FANCM: variants seen among roughly 807,000 people sequenced by gnomAD.
FANCM encodes Fanconi anemia group M protein.
FANCM carries 140 observed loss-of-function variants against 199.5 expected under a neutral mutation model. The ratio of observed to expected loss-of-function variants is 0.70; its 90% CI spans 0.61 to 0.81. FANCM has a LOEUF of 0.81. Among genes scored for constraint, FANCM ranks in the 30% least tolerant of loss-of-function variants. The pLI, the probability that FANCM is intolerant of heterozygous loss-of-function variation, is 0.00. For missense variants in FANCM, 2,410 were observed against 2,421.4 expected (o/e 1.00, Z 0.10); for synonymous variants, 840 against 836.8 (o/e 1.00, Z -0.07).
At chr14:45,165,713 T>C (rs983300995) in intron 10 of FANCM, among the ~76,000 whole-genome samples, 2 of 152,180 alleles carry the variant, frequency 1.3e-5, no homozygotes, top group African/African-American at 4.8e-5. Flanking sequence ...TAAAAGGCCG[T>C]GTAATATCAG....
intron 3 of FANCM, among the ~76,000 whole-genome samples, chr14:45,143,390 C>T (rs1412528523): frequency 6.6e-6 from 1 of 151,968 alleles, no homozygotes; most frequent in Non-Finnish European, 1.5e-5. Context: ...TGGTCTAGAA[C>T]TACTGGTCTC....
chr14:45,166,654 T>G (rs575465401), intron 10 of FANCM, among the ~76,000 whole-genome samples: 1 of 151,850 alleles, frequency 6.6e-6, no homozygotes, highest in South Asian at 2.1e-4. Context: ...CTCACACCTG[T>G]AGTCCCAGCT....
chr14:45,188,900 T>C lies in FANCM; in HGVS notation c.4878T>C (p.Asp1626=), dbSNP rs150389713. 61 of 1,613,902 alleles carry C rather than the reference T, an allele frequency of 3.8e-5. No individual in the cohort carries two copies. In the African/African-American group the frequency reaches 6.8e-4, roughly 18 times the overall value. The change falls in exon 20 of 23, where the codon GAT becomes GAC. Residue 1626 remains aspartate (D), a synonymous_variant. Coordinates refer to ENST00000267430, the MANE Select transcript of FANCM (RefSeq NM_020937.4). The stretch of plus-strand genomic sequence containing the variant: ...CAAGTGAAGAAGAAGTTTGTGTTGA[T>C]TTTAACTTAATAACTGATGATTGCT... The part of the protein sequence containing the change: ...GQSSEEEVCV[D]FNLITDDCFA...
chr14:45,167,884 C>A (rs1888092807), intron 11 of FANCM, among the ~76,000 whole-genome samples: 1 of 152,120 alleles, frequency 6.6e-6, no homozygotes, highest in Non-Finnish European at 1.5e-5. Flanking sequence ...GTTTTAAATG[C>A]ATAGCCAGTC....
In FANCM at chr14:45,170,661, A is replaced by T; in HGVS notation, c.2075A>T (p.Tyr692Phe). 6.2e-7 allele frequency: 1 copy of T among 1,604,084 alleles called. No homozygotes were observed. The highest frequency in any genetic ancestry group is 1.1e-5 in the South Asian group (1 of 90,852). The change falls in exon 12 of 23, where the codon TAT becomes TTT. Residue 692 changes from tyrosine to phenylalanine, a missense_variant. By Grantham distance (22) the Tyr-to-Phe change is conservative. Transcript: ENST00000267430. ...GAATTTAAATTATGGAACAGACTTTATAGATTAAGGGACAGTGATGAAATT... is the reference window on the plus strand; with the variant it reads ...GAATTTAAATTATGGAACAGACTTTTTAGATTAAGGGACAGTGATGAAATT... ...EEEFKLWNRL[Y>F]RLRDSDEIKE... is the part of the protein sequence containing the mutation.
intron 18 of FANCM, 49 bp downstream of exon 18, chr14:45,185,422 T>G (rs752912586): frequency 8.6e-5 from 94 of 1,092,720 alleles, no homozygotes; most frequent in Non-Finnish European, 1.2e-4. Flanking sequence ...TTTTATGTGC[T>G]TATATTTAAA....
In FANCM at chr14:45,181,487, T is replaced by G. The variant is rs780690273; in HGVS notation, c.4280T>G (p.Val1427Gly). 1.9e-6 allele frequency: 3 copies of G among 1,608,564 alleles called. No homozygotes were observed. Among genetic ancestry groups the G allele is most frequent in the Non-Finnish European group, 2.6e-6 (3 of 1,175,246 alleles). Residue 1427 changes from valine to glycine, a missense_variant, in exon 15 of 23, where the codon GTT (valine) becomes GGT (glycine). Val to Gly is a moderately radical substitution (Grantham distance 109). Transcript: ENST00000267430. ...SEDDEIFRRK[V>G]KRAKGNVLNS... ...GATGACGAGATTTTCCGAAGAAAAG[T>G]TAAAAGAGCAAAAGGAAATGTTTTA...
At chr14:45,160,013 T>G (rs1198866100) in intron 9 of FANCM, among the ~76,000 whole-genome samples, 2 of 150,336 alleles carry the variant, frequency 1.3e-5, no homozygotes, top group Non-Finnish European at 3.0e-5. Flanking sequence ...TTTTTTTTTT[T>G]TTTTTTAGAT....
chr14:45,142,555 C>G (rs1886053870), intron 3 of FANCM, among the ~76,000 whole-genome samples: 1 of 151,972 alleles, frequency 6.6e-6, no homozygotes, highest in Non-Finnish European at 1.5e-5. Flanking sequence ...ATCCACCCGC[C>G]CCGGCCTCCC....
intron 9 of FANCM, among the ~76,000 whole-genome samples, chr14:45,162,346 C>A (rs1887665497): frequency 6.6e-6 from 1 of 152,142 alleles, no homozygotes; most frequent in South Asian, 2.1e-4. Context: ...CTTTGACATG[C>A]CTCTCAGATT....
intron 2 of FANCM, chr14:45,137,651 C>G (rs953104167): frequency 4.5e-6 from 1 of 224,550 alleles, no homozygotes; most frequent in Middle Eastern, 1.8e-3. Flanking sequence ...TGCCACATAC[C>G]TAACACAGTG....
At chr14:45,136,599 A>G in intron 1 of FANCM, 60 bp downstream of exon 1, 1 of 1,521,340 alleles carries the variant, frequency 6.6e-7, no homozygotes. Flanking sequence ...CATGTGGAAT[A>G]GTTCCCAAGC....
intron 3 of FANCM, among the ~76,000 whole-genome samples, chr14:45,144,108 A>G (rs1185230099): frequency 6.6e-6 from 1 of 152,084 alleles, no homozygotes; most frequent in Admixed American, 6.5e-5. Context: ...ATTTTGATAC[A>G]GGCATGCAGT....
At position 45,175,819 on chromosome 14, in the gene FANCM, T is replaced by C. The variant is rs1263906591; in HGVS notation, c.3065T>C (p.Phe1022Ser). 6 of 1,613,960 alleles carry C rather than the reference T, an allele frequency of 3.7e-6. No homozygotes were observed. Among genetic ancestry groups the C allele is most frequent in the South Asian group, 2.2e-5 (2 of 91,080 alleles). Residue 1022 changes from phenylalanine (F) to serine (S), a missense_variant, in exon 14 of 23, where the codon TTC becomes TCC. By Grantham distance (155) the Phe-to-Ser change is radical. Transcript: ENST00000267430. ...AKGTALENLLFLPCAEHLRSD... is the reference protein window; with the variant it reads ...AKGTALENLLSLPCAEHLRSD... ...GGTACTGCACTTGAGAATTTGCTTT[T>C]CTTACCCTGTGCAGAGCATTTACGA...
In FANCM at chr14:45,176,819, G is replaced by T; in HGVS notation, c.4065G>T (p.Lys1355Asn). 6.2e-7 allele frequency: 1 copy of T among 1,606,184 alleles called. No homozygotes were observed. The highest frequency in any genetic ancestry group is 8.5e-7 in the Non-Finnish European group (1 of 1,176,210). ...NTLNSFSKIR[K>N]EILKTPDSSK... Reference sequence around the variant, plus strand: ...TGAACTCATTTTCTAAGATAAGAAAGGAAATACTTAAGACACCAGATTCTA... The same window carrying T: ...TGAACTCATTTTCTAAGATAAGAAATGAAATACTTAAGACACCAGATTCTA... Residue 1355 changes from lysine (K) to asparagine (N), a missense_variant, in exon 14 of 23, where the codon AAG becomes AAT. Transcript: ENST00000267430.
At chr14:45,191,923 T>C (rs908482332) in intron 20 of FANCM, among the ~76,000 whole-genome samples, 1 of 152,180 alleles carries the variant, frequency 6.6e-6, no homozygotes, top group African/African-American at 2.4e-5. Context: ...TTTTTCTTTG[T>C]ATTTCCTGAC....
At chr14:45,142,389 C>T (rs1396098800) in intron 3 of FANCM, among the ~76,000 whole-genome samples, 1 of 151,722 alleles carries the variant, frequency 6.6e-6, no homozygotes, top group Non-Finnish European at 1.5e-5. Flanking sequence ...TCACTGCAAC[C>T]TCCACCTCCC....
chr14:45,155,589 A>G, intron 8 of FANCM, 130 bp downstream of exon 8: 1 of 562,600 alleles, frequency 1.8e-6, no homozygotes, highest in Non-Finnish European at 3.3e-6. Flanking sequence ...ACGGGAGGTC[A>G]GGAGTTCAAG....
At chr14:45,185,092 G>A (rs1889313006) in intron 17 of FANCM, 125 bp from the exon 18 acceptor site, 2 of 735,990 alleles carry the variant, frequency 2.7e-6, no homozygotes, top group Admixed American at 5.0e-5. Context: ...TAGAAATTTT[G>A]TTTTTATTAT....
Sources: gnomAD v4.1 joint callset for allele counts (sites outside exome capture counted in the v4.1 genomes callset) on GRCh38, gnomAD v4.1.1 for gene constraint, MANE v1.5 for transcripts, NCBI Gene and HGNC (gene_info 2026-07-23, HGNC 2026-07-21) for gene names.